Variants in NVL observed in about 807,000 individuals in gnomAD.
NVL encodes the protein nuclear VCP like.
NVL carries 84 observed loss-of-function variants against 110.2 expected under a neutral mutation model. The ratio of observed to expected loss-of-function variants is 0.76; its 90% CI spans 0.64 to 0.91. NVL has a LOEUF of 0.91. Among genes scored for constraint, NVL ranks in the 40% least tolerant of loss-of-function variants. The pLI, the probability that NVL is intolerant of heterozygous loss-of-function variation, is 0.00. For synonymous variants in NVL, 354 were observed against 361.1 expected, an observed-to-expected ratio of 0.98 and a Z score of 0.22; for missense variants, 882 against 1,035.9, an observed-to-expected ratio of 0.85 and a Z score of 2.04.
At chr1:224,265,374 C>A (rs200392349) in intron 18 of NVL, among the ~76,000 whole-genome samples, 1 of 151,794 alleles carries the variant, frequency 6.6e-6, no homozygotes, top group African/African-American at 2.4e-5. Flanking sequence ...CGTAGTGGCA[C>A]GTGCCTGTAG....
At chr1:224,240,276 C>T (rs1299173846) in intron 19 of NVL, among the ~76,000 whole-genome samples, 2 of 152,084 alleles carry the variant, frequency 1.3e-5, no homozygotes, top group East Asian at 3.9e-4. Flanking sequence ...ACCATGTTGT[C>T]CAGGCTGGTC....
intron 10 of NVL, 147 bp downstream of exon 10, chr1:224,300,415 G>T: frequency 1.9e-6 from 1 of 514,522 alleles, no homozygotes. Flanking sequence ...TAAATATTTA[G>T]CCATCATGCA....
chr1:224,318,971 A>C (rs1294634932), intron 2 of NVL, among the ~76,000 whole-genome samples: 2 of 148,990 alleles, frequency 1.3e-5, no homozygotes, highest in Non-Finnish European at 3.0e-5. Context: ...CCTGGGCGAC[A>C]AAGCGGGACT....
chr1:224,249,483 G>A (rs370157867), intron 19 of NVL, among the ~76,000 whole-genome samples: 9 of 152,118 alleles, frequency 5.9e-5, no homozygotes, highest in African/African-American at 1.4e-4. Context: ...GGTGGCTCAC[G>A]CCTGTAATCC....
At chr1:224,297,652 A>G in intron 10 of NVL, 1 of 184,104 alleles carries the variant, frequency 5.4e-6, no homozygotes, top group Admixed American at 4.7e-5. Flanking sequence ...CAAAATGATG[A>G]ACACAAAGAG....
At chr1:224,240,044 C>A (rs1039708066) in intron 19 of NVL, among the ~76,000 whole-genome samples, 2 of 149,552 alleles carry the variant, frequency 1.3e-5, no homozygotes, top group East Asian at 2.0e-4. Flanking sequence ...TACAGGCATG[C>A]GCTACCACGC....
Position 224,286,363 on chromosome 1 carries a change from G to A in NVL, c.1795-233C>T, listed in dbSNP as rs180795087. 2.9e-3 allele frequency among the ~76,000 whole-genome samples: 436 copies of A among 152,080 alleles called. 2 individuals carry two copies. The highest frequency in any genetic ancestry group is 9.1e-3 in the African/African-American group (377 of 41,496). On this transcript the variant is annotated intron_variant, in intron 14 of 22. Coordinates refer to ENST00000281701, the MANE Select transcript of NVL (RefSeq NM_002533.4). Reference sequence around the variant, plus strand: ...TGGGACTACAGGCACATGCCACCACGTCTGGCTAATTTTTGTATTTTTAGT... The same window carrying A: ...TGGGACTACAGGCACATGCCACCACATCTGGCTAATTTTTGTATTTTTAGT...
chr1:224,274,016 T>C (rs1665469471), intron 17 of NVL, among the ~76,000 whole-genome samples: 1 of 99,100 alleles, frequency 1.0e-5, no homozygotes, highest in African/African-American at 3.3e-5. Flanking sequence ...AGGCATGTAA[T>C]AATGTTTTAT....
At chr1:224,230,307 A>C (rs1417804247) in intron 22 of NVL, among the ~76,000 whole-genome samples, 1 of 152,264 alleles carries the variant, frequency 6.6e-6, no homozygotes, top group Non-Finnish European at 1.5e-5. Context: ...CAGATGATTA[A>C]AATTCTGAGA....
chr1:224,289,006 G>A (rs1392386830), intron 13 of NVL, among the ~76,000 whole-genome samples: 1 of 152,166 alleles, frequency 6.6e-6, no homozygotes, highest in African/African-American at 2.4e-5. Flanking sequence ...AAGTTAACCA[G>A]GAGATATAAT....
chr1:224,285,830 AAC>A (rs2102615425), intron 15 of NVL, among the ~76,000 whole-genome samples, 194 bp downstream of exon 15: 1 of 152,340 alleles, frequency 6.6e-6, no homozygotes, highest in African/African-American at 2.4e-5. Context: ...GGTTGATATA[AAC>A]ATTTTTCAAT....
At chr1:224,239,091 CAT>C (rs1294515895) in intron 19 of NVL, among the ~76,000 whole-genome samples, 1 of 152,128 alleles carries the variant, frequency 6.6e-6, no homozygotes, top group Non-Finnish European at 1.5e-5. Flanking sequence ...TGTAACAATT[CAT>C]GGAGCTGGAC....
At chr1:224,246,913 C>T (rs1028293867) in intron 19 of NVL, among the ~76,000 whole-genome samples, 3 of 151,856 alleles carry the variant, frequency 2.0e-5, no homozygotes, top group Non-Finnish European at 4.4e-5. Context: ...TGGTGGCACG[C>T]ACCTGTGGCC....
chr1:224,273,534 A>G (rs996655259), intron 17 of NVL, among the ~76,000 whole-genome samples: 1 of 152,218 alleles, frequency 6.6e-6, no homozygotes, highest in African/African-American at 2.4e-5. Flanking sequence ...ACCAGAAGTT[A>G]GACATGTACT....
chr1:224,316,116 G>A (rs1238876189), intron 4 of NVL, among the ~76,000 whole-genome samples: 1 of 152,064 alleles, frequency 6.6e-6, no homozygotes, highest in Non-Finnish European at 1.5e-5. Context: ...GCTGCAGTGA[G>A]TTATGATATG....
chr1:224,301,256 G>A (rs1156338475), intron 9 of NVL, among the ~76,000 whole-genome samples: 1 of 152,068 alleles, frequency 6.6e-6, no homozygotes, highest in Non-Finnish European at 1.5e-5. Flanking sequence ...CCCACTTAGG[G>A]CTGAGCCAAA....
intron 15 of NVL, among the ~76,000 whole-genome samples, chr1:224,283,958 T>C (rs890079728): frequency 6.6e-6 from 1 of 152,240 alleles, no homozygotes; most frequent in African/African-American, 2.4e-5. Context: ...ACTGAGGAGC[T>C]ATAATTTGGT....
rs34586586 is a variant in NVL at position 224,240,061 on chromosome 1, ATT to A, written c.2290-3481_2290-3480del. Among the ~76,000 whole-genome samples the A allele has an allele frequency of 3.7e-3, 332 of 90,930 alleles. 1 individual carries two copies. The highest frequency in any genetic ancestry group is 0.029 in the Middle Eastern group (3 of 104). The allele number at this position is 90,930 out of a possible 152,430, so 59.7% of individuals were successfully genotyped here. On this transcript the variant is annotated intron_variant, in intron 19 of 22. Coordinates refer to ENST00000281701, the MANE Select transcript of NVL (RefSeq NM_002533.4). ...CAGGCATGCGCTACCACGCTGGGTA[ATT>A]TTTTTTTTTTTTTTTTTTTTGAGAC...
chr1:224,249,848 C>T (rs1181382195), intron 19 of NVL, among the ~76,000 whole-genome samples: 1 of 152,170 alleles, frequency 6.6e-6, no homozygotes, highest in African/African-American at 2.4e-5. Flanking sequence ...ATCCTTCCAC[C>T]TAAGCCTTCT....
Sources: gnomAD v4.1 joint callset for allele counts (sites outside exome capture counted in the v4.1 genomes callset) on GRCh38, gnomAD v4.1.1 for gene constraint, MANE v1.5 for transcripts, NCBI Gene and HGNC (gene_info 2026-07-23, HGNC 2026-07-21) for gene names.